DDX46: variants seen among roughly 807,000 people sequenced by gnomAD.
The protein encoded by DDX46 is probable ATP-dependent RNA helicase DDX46.
In DDX46, 30 loss-of-function variants were observed where a neutral mutation model predicts 134.9. That is an observed-to-expected ratio of 0.22 (90% CI 0.17 to 0.30). The LOEUF (loss-of-function observed/expected upper bound fraction) is 0.30. Ranked by LOEUF, DDX46 falls within the 10% of genes least tolerant of loss-of-function variation. The pLI is 1.00. For missense variants in DDX46, 622 were observed against 1,248.7 expected (o/e 0.50, Z 7.56); for synonymous variants, 415 against 404.1 (o/e 1.03, Z -0.32).
intron 22 of DDX46, among the ~76,000 whole-genome samples, chr5:134,828,162 A>C (rs1755640092): frequency 6.6e-6 from 1 of 150,862 alleles, no homozygotes; most frequent in Non-Finnish European, 1.5e-5. Context: ...CAGTGTGTAC[A>C]TTTCCTTTGA....
chr5:134,779,453 C>G (rs895727098), intron 6 of DDX46, among the ~76,000 whole-genome samples: 1 of 152,230 alleles, frequency 6.6e-6, no homozygotes, highest in East Asian at 1.9e-4. Flanking sequence ...CTTGGCCTCC[C>G]AAAGTGCTGG....
At position 134,830,182 on chromosome 5, in the gene DDX46, A is replaced by G. The variant is rs1311134045; in HGVS notation, c.*1476A>G. 6.6e-6 allele frequency: 1 copy of G among 151,608 alleles called. No homozygotes were observed. The highest frequency in any genetic ancestry group is 1.5e-5 in the Non-Finnish European group (1 of 67,874). 9.4% of individuals were successfully genotyped at this position (151,608 alleles called of 1,614,324 possible). On this transcript the variant is annotated 3_prime_UTR_variant, in exon 23 of 23. Transcript: ENST00000452510. Reference sequence around the variant, plus strand: ...AGATCAAAAATAGAAAAAAAAAAAAAAAGAAAAAAAGAATGTAAAATTTTA... The same window carrying G: ...AGATCAAAAATAGAAAAAAAAAAAAGAAGAAAAAAAGAATGTAAAATTTTA...
chr5:134,800,528 C>A (rs1754794830), intron 15 of DDX46, among the ~76,000 whole-genome samples: 2 of 152,120 alleles, frequency 1.3e-5, no homozygotes, highest in Non-Finnish European at 2.9e-5. Context: ...TTAGCCACAT[C>A]CCGCAGAATA....
chr5:134,793,486 C>T (rs1049175751), intron 13 of DDX46, among the ~76,000 whole-genome samples: 3 of 152,094 alleles, frequency 2.0e-5, no homozygotes, highest in Non-Finnish European at 4.4e-5. Context: ...CTCACTGCAA[C>T]CTCCGCCTCC....
chr5:134,779,467 T>A (rs1020405031), intron 6 of DDX46, among the ~76,000 whole-genome samples: 3 of 152,216 alleles, frequency 2.0e-5, no homozygotes, highest in African/African-American at 7.2e-5. Flanking sequence ...GTGCTGGGAT[T>A]ACAAGCGTGA....
chr5:134,772,417 G>A (rs180974009), intron 4 of DDX46, among the ~76,000 whole-genome samples: 19 of 151,980 alleles, frequency 1.3e-4, no homozygotes, highest in African/African-American at 4.3e-4. Flanking sequence ...AGCTACTCGG[G>A]AGGCTGAGAT....
chr5:134,813,753 C>G (rs901896686), intron 18 of DDX46, among the ~76,000 whole-genome samples: 1 of 151,948 alleles, frequency 6.6e-6, no homozygotes, highest in Non-Finnish European at 1.5e-5. Flanking sequence ...GTAGCTGGTA[C>G]TATGGGTGCA....
intron 1 of DDX46, 122 bp downstream of exon 1, chr5:134,759,077 C>T: frequency 6.9e-7 from 1 of 1,458,528 alleles, no homozygotes; most frequent in Non-Finnish European, 9.2e-7. Context: ...CAGCGCTGCC[C>T]CGCGAGCATT....
chr5:134,811,456 T>A, intron 17 of DDX46, 98 bp downstream of exon 17: 1 of 1,464,796 alleles, frequency 6.8e-7, no homozygotes, highest in Non-Finnish European at 9.1e-7. Flanking sequence ...ACTTGAAAAT[T>A]TTGCTACGAC....
Position 134,807,930 on chromosome 5 carries a change from G to C in DDX46, c.2137G>C (p.Ala713Pro). The C allele has an allele frequency of 6.3e-7, 1 of 1,588,488 alleles. No homozygotes were observed. Among genetic ancestry groups the C allele is most frequent in the Non-Finnish European group, 8.6e-7 (1 of 1,167,094 alleles). Residue 713 changes from alanine (A) to proline (P), a missense_variant, in exon 16 of 23, where the codon GCA (alanine) becomes CCA (proline). Transcript: ENST00000452510. ...YVHRAGRTGR[A>P]GNKGYAYTFI... is the part of the protein sequence containing the mutation. ...ACACAGAGCAGGGCGGACTGGAAGA[G>C]CAGGAAACAAGGTAAAAATAAGTTT...
At chr5:134,788,834 G>A (rs538561624) in intron 12 of DDX46, among the ~76,000 whole-genome samples, 2 of 149,938 alleles carry the variant, frequency 1.3e-5, no homozygotes, top group African/African-American at 2.5e-5. Flanking sequence ...GGGTGACAGA[G>A]TAAGACTCCG....
At chr5:134,825,571 G>A (rs1467460040) in intron 21 of DDX46, among the ~76,000 whole-genome samples, 1 of 152,144 alleles carries the variant, frequency 6.6e-6, no homozygotes, top group Non-Finnish European at 1.5e-5. Context: ...TACACGGAAT[G>A]ATAAAAATAT....
chr5:134,822,492 C>T (rs972489485), intron 21 of DDX46, among the ~76,000 whole-genome samples: 1 of 151,932 alleles, frequency 6.6e-6, no homozygotes, highest in Non-Finnish European at 1.5e-5. Context: ...GCCACCATGC[C>T]TGGCTAATGA....
chr5:134,790,787 A>G (rs1754478143), intron 13 of DDX46, among the ~76,000 whole-genome samples: 1 of 152,148 alleles, frequency 6.6e-6, no homozygotes, highest in African/African-American at 2.4e-5. Flanking sequence ...ACCAACACCA[A>G]CAAAGCTAGA....
At chr5:134,823,592 T>G (rs1561876353) in intron 21 of DDX46, among the ~76,000 whole-genome samples, 1 of 152,210 alleles carries the variant, frequency 6.6e-6, no homozygotes. Flanking sequence ...GAAACTGACT[T>G]AGATCTATTT....
At chr5:134,773,480 A>G (rs1397764245) in intron 4 of DDX46, among the ~76,000 whole-genome samples, 1 of 152,150 alleles carries the variant, frequency 6.6e-6, no homozygotes, top group South Asian at 2.1e-4. Context: ...TCTTATTTGA[A>G]GATGCTTTTT....
rs769658560 is a variant in DDX46 at position 134,781,028 on chromosome 5, GAA to G, written c.766-98_766-97del. 2.5e-3 allele frequency: 2,055 copies of G among 808,790 alleles called. 6 individuals carry two copies. Among genetic ancestry groups the G allele is most frequent in the Non-Finnish European group, 3.3e-3 (1,815 of 544,698 alleles). 50.1% of individuals were successfully genotyped at this position (808,790 alleles called of 1,614,324 possible). ...GACTGAGACCATGTCACTAAAAAAA[GAA>G]AAAAAACTAAAGATGAAATTGTGTC... On this transcript the variant is annotated intron_variant, in intron 6 of 22. Coordinates refer to ENST00000452510, the MANE Select transcript of DDX46 (RefSeq NM_001300860.2).
chr5:134,783,460 A>G (rs1754222947), intron 9 of DDX46, among the ~76,000 whole-genome samples: 2 of 148,904 alleles, frequency 1.3e-5, no homozygotes, highest in East Asian at 4.0e-4. Flanking sequence ...CATGTTGGTC[A>G]GGCTGGCGTT....
At chr5:134,819,667 A>G (rs943784684) in intron 21 of DDX46, among the ~76,000 whole-genome samples, 3 of 151,072 alleles carry the variant, frequency 2.0e-5, no homozygotes, top group African/African-American at 7.3e-5. Context: ...AGTAGCTGGG[A>G]CTACAGGAAC....
Sources: allele counts gnomAD v4.1 joint callset (sites outside exome capture counted in the v4.1 genomes callset), GRCh38; gene constraint gnomAD v4.1.1; transcripts MANE v1.5; gene names NCBI Gene and HGNC (gene_info 2026-07-23, HGNC 2026-07-21).